Variants in UBE4B observed in about 807,000 individuals in gnomAD.
UBE4B encodes ubiquitin conjugation factor E4 B.
A neutral mutation model predicts 148.1 loss-of-function variants in UBE4B; 27 were observed. That is an observed-to-expected ratio of 0.18 (90% CI 0.13 to 0.25). The LOEUF (loss-of-function observed/expected upper bound fraction) is 0.25. UBE4B is among the 10% of genes least tolerant of loss of function. The pLI is 1.00. For missense variants in UBE4B, 1,170 were observed against 1,662.4 expected (o/e 0.70, Z 5.15); for synonymous variants, 596 against 619.3 (o/e 0.96, Z 0.56).
chr1:10,039,801 G>A (rs975479375), intron 1 of UBE4B, among the ~76,000 whole-genome samples: 2 of 152,074 alleles, frequency 1.3e-5, no homozygotes, highest in Admixed American at 6.6e-5. Context: ...AAGATGGGTG[G>A]CAAGGGAGTA....
intron 5 of UBE4B, among the ~76,000 whole-genome samples, chr1:10,104,508 G>A (rs1557555895): frequency 6.6e-6 from 1 of 152,044 alleles, no homozygotes; most frequent in Non-Finnish European, 1.5e-5. Flanking sequence ...AAATGGATGC[G>A]TGAATATCAA....
At chr1:10,043,585 CCTGA>C (rs1643856459) in intron 1 of UBE4B, among the ~76,000 whole-genome samples, 1 of 151,906 alleles carries the variant, frequency 6.6e-6, no homozygotes, top group Non-Finnish European at 1.5e-5. Context: ...CACCACCAAG[CCTGA>C]CTAATTTTTT....
chr1:10,144,240 C>T (rs892598558), intron 17 of UBE4B, among the ~76,000 whole-genome samples: 5 of 152,066 alleles, frequency 3.3e-5, no homozygotes, highest in East Asian at 1.9e-4. Flanking sequence ...TTGTAAAGGA[C>T]GATGCCGTTA....
In UBE4B at chr1:10,119,588, C is replaced by T. The variant is rs146568866; in HGVS notation, c.1414C>T (p.Leu472=). The change falls in exon 9 of 28, where the codon CTA becomes TTA. Residue 472 remains leucine, a synonymous_variant. Coordinates refer to ENST00000343090, the MANE Select transcript of UBE4B (RefSeq NM_001105562.3). ...SQCISHTALV[L]QGSLTQPRSL... is the part of the protein sequence containing the mutation. ...GTGCATATCCCATACTGCTTTAGTA[C>T]TACAAGGCTCCCTAACACAGCCCAG... 20 of 1,613,260 alleles carry T rather than the reference C, an allele frequency of 1.2e-5. No homozygotes were observed. Among genetic ancestry groups the T allele is most frequent in the Non-Finnish European group, 1.6e-5 (19 of 1,179,480 alleles).
rs554089049 is a variant in UBE4B, at chr1:10,097,052, A to AAAAAAAAAAT, written c.347+1458_347+1459insAAAAAAATAA. On this transcript the variant is annotated intron_variant, in intron 3 of 27. Coordinates refer to ENST00000343090, the MANE Select transcript of UBE4B (RefSeq NM_001105562.3). Reference sequence around the variant, plus strand: ...AGACTCTGCATCAAAAAAAAAAAAAAAATAATAATAATAATAATAACCAAA... The same window carrying AAAAAAAAAAT: ...AGACTCTGCATCAAAAAAAAAAAAAAAAAAAAAAATAATAATAATAATAATAATAACCAAA... 7.5e-4 allele frequency among the ~76,000 whole-genome samples: 104 copies of AAAAAAAAAAT among 138,516 alleles called. 1 individual carries two copies. Among genetic ancestry groups the AAAAAAAAAAT allele is most frequent in the African/African-American group, 2.6e-3 (99 of 37,900 alleles). The allele number at this position is 138,516 out of a possible 152,430, so 90.9% of individuals were successfully genotyped here. A position where few individuals can be genotyped will look rare whatever the true frequency, so the allele number is the denominator to read the frequency against.
chr1:10,096,618 A>T (rs1345266528), intron 3 of UBE4B, among the ~76,000 whole-genome samples: 1 of 152,152 alleles, frequency 6.6e-6, no homozygotes, highest in Non-Finnish European at 1.5e-5. Context: ...GCTACTGGGG[A>T]GGCTGAGGCA....
At position 10,179,847 on chromosome 1, in the gene UBE4B, A is replaced by G. The variant is rs1024445004; in HGVS notation, c.3848-48A>G. 5.0e-6 allele frequency: 8 copies of G among 1,604,862 alleles called. No homozygotes were observed. In the African/African-American group the frequency reaches 8.0e-5, roughly 16 times the overall value. On this transcript the variant is annotated intron_variant, in intron 27 of 27. Coordinates refer to ENST00000343090, the MANE Select transcript of UBE4B (RefSeq NM_001105562.3). Reference sequence around the variant, plus strand: ...GAGCGACAAGCATCCTCTCTCAGGAAGAGCCCTCCCATCTGGGGCATTAAT... The same window carrying G: ...GAGCGACAAGCATCCTCTCTCAGGAGGAGCCCTCCCATCTGGGGCATTAAT...
At chr1:10,053,934 G>A (rs1644110782) in intron 1 of UBE4B, among the ~76,000 whole-genome samples, 1 of 152,106 alleles carries the variant, frequency 6.6e-6, no homozygotes, top group Non-Finnish European at 1.5e-5. Flanking sequence ...TGATCCTCCT[G>A]CCTTGGCCTC....
intron 11 of UBE4B, 101 bp from the exon 12 acceptor site, chr1:10,129,290 AG>A: frequency 1.9e-6 from 2 of 1,069,126 alleles, no homozygotes. Flanking sequence ...GCCATTTTAG[AG>A]GGAACGAATT....
Position 10,171,340 on chromosome 1 carries a change from T to C in UBE4B, c.3525+11T>C, listed in dbSNP as rs778965719. 1 of 1,611,612 alleles carries C rather than the reference T, an allele frequency of 6.2e-7. No individual in the cohort carries two copies. Among genetic ancestry groups the C allele is most frequent in the Admixed American group, 1.7e-5 (1 of 59,702 alleles). On this transcript the variant is annotated intron_variant, in intron 25 of 27. Coordinates refer to ENST00000343090, the MANE Select transcript of UBE4B (RefSeq NM_001105562.3). ...ATTGCTGACGACCAGGTCAGTGAGT[T>C]GAGTTGGTCTCTCTGTGAGTTTACT...
intron 9 of UBE4B, among the ~76,000 whole-genome samples, chr1:10,120,579 G>A (rs1356585744): frequency 6.6e-6 from 1 of 152,068 alleles, no homozygotes; most frequent in Non-Finnish European, 1.5e-5. Flanking sequence ...GCTCATGCCT[G>A]TAATCCTATC....
At chr1:10,102,391 C>CTTTTTTTTTTTTTTTTTTT (rs33997625) in intron 4 of UBE4B, among the ~76,000 whole-genome samples, 4 of 51,544 alleles carry the variant, frequency 7.8e-5, no homozygotes, top group African/African-American at 1.2e-4. Flanking sequence ...TGACTTTGCT[C>CTTTTTTTTTTTTTTTTTTT]TTTTTTTTTT....
At chr1:10,052,463 G>A (rs901001195) in intron 1 of UBE4B, among the ~76,000 whole-genome samples, 2 of 152,166 alleles carry the variant, frequency 1.3e-5, no homozygotes, top group Non-Finnish European at 2.9e-5. Flanking sequence ...TAAGATGTCC[G>A]GGTAGATCAT....
At chr1:10,135,288 A>C in intron 16 of UBE4B, 102 bp downstream of exon 16, 1 of 1,184,050 alleles carries the variant, frequency 8.4e-7, no homozygotes. Flanking sequence ...AAATGAACTT[A>C]AGAGATAGAG....
Position 10,145,051 on chromosome 1 carries a change from T to C in UBE4B, c.2463+12T>C. 1 of 1,604,948 alleles carries C rather than the reference T, an allele frequency of 6.2e-7. No individual in the cohort carries two copies. The highest frequency in any genetic ancestry group is 8.5e-7 in the Non-Finnish European group (1 of 1,172,756). On this transcript the variant is annotated intron_variant, in intron 18 of 27. Transcript: ENST00000343090. ...AAACTCAGCTTAAGGTTTGTATAGC[T>C]AAGTGGAATAATTATAGACCAGCCT... is the stretch of plus-strand genomic sequence containing the variant.
intron 2 of UBE4B, among the ~76,000 whole-genome samples, chr1:10,092,287 C>T (rs183754258): frequency 6.1e-4 from 93 of 152,184 alleles, no homozygotes; most frequent in African/African-American, 1.9e-3. Flanking sequence ...TGCCGTGGCA[C>T]GATCTTGGCT....
chr1:10,056,228 A>G (rs1196916113), intron 1 of UBE4B, among the ~76,000 whole-genome samples: 4 of 152,208 alleles, frequency 2.6e-5, no homozygotes, highest in African/African-American at 9.7e-5. Context: ...CAATTAGATG[A>G]CACGTGAGAT....
chr1:10,076,485 C>A lies in UBE4B; in HGVS notation c.211+4271C>A, dbSNP rs1185553119. Among the ~76,000 whole-genome samples the A allele has an allele frequency of 4.6e-5, 7 of 151,710 alleles. No individual in the cohort carries two copies. The East Asian group carries it at 1.4e-3, about 30-fold the overall frequency. The stretch of plus-strand genomic sequence containing the variant: ...TCTCGAACTCCTGACCTCAGGTGAT[C>A]CACCTGCCTCGGCCTCCCAAAATGC... On this transcript the variant is annotated intron_variant, in intron 2 of 27. Transcript: ENST00000343090.
intron 25 of UBE4B, among the ~76,000 whole-genome samples, chr1:10,176,644 C>A (rs767983298): frequency 2.0e-5 from 3 of 152,018 alleles, no homozygotes; most frequent in Non-Finnish European, 4.4e-5. Flanking sequence ...ATGTCAAATA[C>A]CATTGGACAC....
Sources: gnomAD v4.1 joint callset for allele counts (sites outside exome capture counted in the v4.1 genomes callset) on GRCh38, gnomAD v4.1.1 for gene constraint, MANE v1.5 for transcripts, NCBI Gene and HGNC (gene_info 2026-07-23, HGNC 2026-07-21) for gene names.